The following IRAK2 variants were observed in gnomAD, a reference collection of about 807,000 sequenced individuals.
IRAK2 encodes interleukin-1 receptor-associated kinase-like 2.
IRAK2 carries 57 observed loss-of-function variants against 72.0 expected under a neutral mutation model. The ratio of observed to expected loss-of-function variants is 0.79; its 90% CI spans 0.64 to 0.99. The LOEUF is 0.99. Among genes scored for constraint, IRAK2 ranks in the 50% least tolerant of loss-of-function variants. IRAK2 has a pLI of 0.00. For synonymous variants in IRAK2, 293 were observed against 312.7 expected, an observed-to-expected ratio of 0.94 and a Z score of 0.67; for missense variants, 790 against 794.4, an observed-to-expected ratio of 0.99 and a Z score of 0.07.
intron 1 of IRAK2, among the ~76,000 whole-genome samples, chr3:10,169,602 G>A (rs966949901): frequency 1.3e-5 from 2 of 152,140 alleles, no homozygotes; most frequent in African/African-American, 4.8e-5. Flanking sequence ...AGACCTTATG[G>A]TTATCTTCCC....
chr3:10,240,541 C>CA (rs1451917167), intron 12 of IRAK2, among the ~76,000 whole-genome samples: 3 of 17,798 alleles, frequency 1.7e-4, no homozygotes, highest in Non-Finnish European at 2.1e-4. Context: ...TAGGAAGCCC[C>CA]CCCCCCCCCC....
chr3:10,199,121 G>T (rs555711254), intron 2 of IRAK2, among the ~76,000 whole-genome samples: 2 of 152,058 alleles, frequency 1.3e-5, no homozygotes, highest in African/African-American at 2.4e-5. Context: ...GCCTGGCAAG[G>T]GTGTGGAGGC....
chr3:10,226,227 T>TG lies in IRAK2; in HGVS notation c.1210-143dup, dbSNP rs1697773328. 6 of 571,466 alleles carry TG rather than the reference T, an allele frequency of 1.0e-5. No individual in the cohort carries two copies. In the East Asian group the frequency reaches 1.5e-4, roughly 14 times the overall value. The allele number at this position is 571,466 out of a possible 1,614,324, so 35.4% of individuals were successfully genotyped here. On this transcript the variant is annotated intron_variant, in intron 9 of 12. Coordinates refer to ENST00000256458, the MANE Select transcript of IRAK2 (RefSeq NM_001570.4). ...GAGGAGGTGTTTAGTGATATTCCCA[T>TG]GTTCCAGATTTTGGGCAGGTGTGTC...
At chr3:10,236,439 C>A (rs1203705722) in intron 11 of IRAK2, among the ~76,000 whole-genome samples, 1 of 146,998 alleles carries the variant, frequency 6.8e-6, no homozygotes, top group Non-Finnish European at 1.5e-5. Context: ...CCTCCACTTT[C>A]CAGGTTCAAG....
chr3:10,187,865 C>A (rs1339071154), intron 2 of IRAK2, among the ~76,000 whole-genome samples: 1 of 152,082 alleles, frequency 6.6e-6, no homozygotes, highest in African/African-American at 2.4e-5. Context: ...CCTAGGGGGT[C>A]AGAGGCAGTA....
At chr3:10,199,336 G>T (rs1233882258) in intron 2 of IRAK2, among the ~76,000 whole-genome samples, 7 of 152,180 alleles carry the variant, frequency 4.6e-5, no homozygotes, top group African/African-American at 1.4e-4. Context: ...TCTTCGGCCA[G>T]TCCTGCGTGC....
At chr3:10,227,672 T>TTG (rs1697800511) in intron 10 of IRAK2, among the ~76,000 whole-genome samples, 1 of 132,448 alleles carries the variant, frequency 7.6e-6, no homozygotes, top group Admixed American at 7.6e-5. Context: ...GAGTTTTTTT[T>TTG]TTGTTTTTGT....
At position 10,219,743 on chromosome 3, in the gene IRAK2, GT is replaced by G; in HGVS notation, c.968del (p.Val323AlafsTer47). The G allele has an allele frequency of 6.2e-7, 1 of 1,613,800 alleles. No homozygotes were observed. The highest frequency in any genetic ancestry group is 8.5e-7 in the Non-Finnish European group (1 of 1,179,884). On this transcript the variant is annotated frameshift_variant, in exon 8 of 13. Coordinates refer to ENST00000256458, the MANE Select transcript of IRAK2 (RefSeq NM_001570.4). LOFTEE classifies it high-confidence loss of function. ...VSICSGLLCA[V>X]EYLHGLEIIH... is the part of the protein sequence containing the mutation. ...CATCTGCTCAGGGCTGCTCTGTGCC[GT>G]CGAGTACCTGCATGGTCTGGAGATC... is the stretch of plus-strand genomic sequence containing the variant.
chr3:10,232,577 C>A (rs908273710), intron 10 of IRAK2, among the ~76,000 whole-genome samples: 12 of 152,104 alleles, frequency 7.9e-5, no homozygotes, highest in African/African-American at 2.7e-4. Context: ...GTCCCCCAAC[C>A]CCTGTTTAAA....
At chr3:10,170,722 T>G (rs533730435) in intron 1 of IRAK2, among the ~76,000 whole-genome samples, 2 of 152,378 alleles carry the variant, frequency 1.3e-5, no homozygotes, top group East Asian at 3.9e-4. Flanking sequence ...AATGATGAGC[T>G]GCCAGGCCTT....
chr3:10,219,419 C>T (rs899673968), intron 7 of IRAK2, among the ~76,000 whole-genome samples: 6 of 151,734 alleles, frequency 4.0e-5, no homozygotes, highest in Non-Finnish European at 7.4e-5. Flanking sequence ...CCTGGGTTCA[C>T]GCCATTCTCC....
rs201243202 is a variant in IRAK2, at chr3:10,222,837, A to T, written c.1209+6A>T. The T allele has an allele frequency of 6.2e-7, 1 of 1,613,414 alleles. No homozygotes were observed. The highest frequency in any genetic ancestry group is 2.2e-5 in the East Asian group (1 of 44,866). On this transcript the variant is annotated splice_donor_region_variant and intron_variant, in intron 9 of 12. Coordinates refer to ENST00000256458, the MANE Select transcript of IRAK2 (RefSeq NM_001570.4). ...ACATCTTCAGCTGTGGAATAGTAAG[A>T]GTGTCCTGCTCTGCGTAGAGTGGGG...
At chr3:10,166,028 C>T (rs1000636944) in intron 1 of IRAK2, among the ~76,000 whole-genome samples, 2 of 151,928 alleles carry the variant, frequency 1.3e-5, no homozygotes, top group Non-Finnish European at 2.9e-5. Flanking sequence ...CGCGCCCGGC[C>T]TCCGGAACTC....
Position 10,234,572 on chromosome 3 carries a change from C to T in IRAK2, c.1386C>T (p.Gly462=), listed in dbSNP as rs1388858926. The change falls in exon 11 of 13, where the codon GGC becomes GGT. Residue 462 remains glycine, a synonymous_variant. Transcript: ENST00000256458. ...TCTGCCAGAAGTACCTGGAGAAGGG[C>T]GCAGGGAGGCTTCCGGAGGACTGCG... is the stretch of plus-strand genomic sequence containing the variant. The part of the protein sequence containing the change: ...KEICQKYLEK[G]AGRLPEDCAE... The T allele has an allele frequency of 4.3e-6, 7 of 1,613,850 alleles. No homozygotes were observed. The highest frequency in any genetic ancestry group is 5.9e-6 in the Non-Finnish European group (7 of 1,180,020).
At chr3:10,172,422 C>CAGCT (rs1162680501) in intron 1 of IRAK2, among the ~76,000 whole-genome samples, 1 of 149,458 alleles carries the variant, frequency 6.7e-6, no homozygotes, top group Non-Finnish European at 1.5e-5. Flanking sequence ...CCTGTAATCC[C>CAGCT]AGCTATTCGG....
In IRAK2 at chr3:10,242,233, C is replaced by A; in HGVS notation, c.*5C>A. The A allele has an allele frequency of 1.9e-6, 3 of 1,541,094 alleles. No individual in the cohort carries two copies. Among genetic ancestry groups the A allele is most frequent in the South Asian group, 1.1e-5 (1 of 88,510 alleles). On this transcript the variant is annotated 3_prime_UTR_variant, in exon 13 of 13. Coordinates refer to ENST00000256458, the MANE Select transcript of IRAK2 (RefSeq NM_001570.4). ...ATTGAGCTCTTTGGCCCCTGATGAC[C>A]GGAACACAGCTGAGGACCCTTGTCC...
At chr3:10,166,834 G>A (rs958281450) in intron 1 of IRAK2, among the ~76,000 whole-genome samples, 19 of 152,142 alleles carry the variant, frequency 1.2e-4, no homozygotes, top group African/African-American at 4.3e-4. Flanking sequence ...AGTAGAGATG[G>A]GGTTTCGCCA....
intron 10 of IRAK2, among the ~76,000 whole-genome samples, chr3:10,233,511 G>C (rs1254151303): frequency 6.6e-6 from 1 of 151,934 alleles, no homozygotes; most frequent in Non-Finnish European, 1.5e-5. Context: ...TGTATGCATA[G>C]TTCAGATTGC....
At chr3:10,225,282 C>T (rs1697755902) in intron 9 of IRAK2, among the ~76,000 whole-genome samples, 1 of 152,180 alleles carries the variant, frequency 6.6e-6, no homozygotes. Flanking sequence ...TTAATATTCA[C>T]AACTGCTAGT....
Sources: allele counts gnomAD v4.1 joint callset (sites outside exome capture counted in the v4.1 genomes callset), GRCh38; gene constraint gnomAD v4.1.1; transcripts MANE v1.5; gene names NCBI Gene and HGNC (gene_info 2026-07-23, HGNC 2026-07-21).